The following BOK variants were observed in gnomAD, a reference collection of about 807,000 sequenced individuals.
BOK encodes BCL2 family apoptosis regulator BOK.
BOK carries 20 observed loss-of-function variants against 18.3 expected under a neutral mutation model. The ratio of observed to expected loss-of-function variants is 1.09; its 90% CI spans 0.77 to 1.59. BOK has a LOEUF of 1.59. Ranked by LOEUF, BOK falls within the 40% of genes most tolerant of loss-of-function variation. The pLI is 0.00. For missense variants in BOK, 348 were observed against 307.9 expected (o/e 1.13, Z -0.97); for synonymous variants, 173 against 142.4 (o/e 1.21, Z -1.53).
chr2:241,562,492 C>T lies in BOK; in HGVS notation c.349+16C>T. 6.3e-7 allele frequency: 1 copy of T among 1,599,998 alleles called. No individual in the cohort carries two copies. The highest frequency in any genetic ancestry group is 1.1e-5 in the South Asian group (1 of 89,066). On this transcript the variant is annotated intron_variant, in intron 3 of 4. Coordinates refer to ENST00000318407, the MANE Select transcript of BOK (RefSeq NM_032515.5). The surrounding 1 kb of genome is among the most constrained non-coding windows in gnomAD (Gnocchi z 4.5). The stretch of plus-strand genomic sequence containing the variant: ...TTCTCTGCAGGTATGCCCAGCCTGC[C>T]CGTCCCATGGGACCTCAGGGAGGGA...
At chr2:241,564,908 G>C (rs1364633135) in intron 3 of BOK, among the ~76,000 whole-genome samples, 2 of 152,212 alleles carry the variant, frequency 1.3e-5, no homozygotes, top group African/African-American at 4.8e-5. Context: ...CTTCGGCAGG[G>C]AGAGAGGATG....
rs563073656 is a variant in BOK, at chr2:241,562,851, G to A, written c.349+375G>A. Among the ~76,000 whole-genome samples the A allele has an allele frequency of 6.6e-6, 1 of 152,232 alleles. No individual in the cohort carries two copies. Among genetic ancestry groups the A allele is most frequent in the East Asian group, 1.9e-4 (1 of 5,180 alleles). On this transcript the variant is annotated intron_variant, in intron 3 of 4. Transcript: ENST00000318407. This position sits in a 1 kb window ranked among gnomAD's most constrained non-coding sequence, Gnocchi z 4.5. ...CGGGGCTTGGGCTTCTCACAGCATG[G>A]TGCTGTGTCCCAAGGAGGAGTGGCA...
chr2:241,555,273 A>G (rs1367811304), upstream of BOK, among the ~76,000 whole-genome samples: 1 of 151,982 alleles, frequency 6.6e-6, no homozygotes, highest in Non-Finnish European at 1.5e-5. Context: ...TACAGCCCTG[A>G]ACTCCTGGGC....
At chr2:241,571,573 C>T (rs1432918682) in intron 4 of BOK, among the ~76,000 whole-genome samples, 3 of 152,162 alleles carry the variant, frequency 2.0e-5, no homozygotes, top group Admixed American at 1.3e-4. Flanking sequence ...TACAGGTGTC[C>T]CTCAGCACAG....
intron 4 of BOK, among the ~76,000 whole-genome samples, chr2:241,570,983 G>C (rs377177720): frequency 1.2e-5 from 1 of 82,694 alleles, no homozygotes; most frequent in African/African-American, 5.2e-5. Flanking sequence ...ATGGGTGAGT[G>C]TCTGAGCGCC....
chr2:241,561,830 C>T (rs986245478), intron 2 of BOK, among the ~76,000 whole-genome samples: 6 of 152,232 alleles, frequency 3.9e-5, no homozygotes, highest in African/African-American at 1.2e-4. Flanking sequence ...CTGAGCCATG[C>T]TAGGGCCTGA....
At chr2:241,556,130 G>C (rs1257882524), upstream of BOK, among the ~76,000 whole-genome samples, 3 of 152,178 alleles carry the variant, frequency 2.0e-5, no homozygotes, top group Non-Finnish European at 4.4e-5. Context: ...TCCCAAACCT[G>C]ACTGCTCTTC....
intron 1 of BOK, among the ~76,000 whole-genome samples, chr2:241,553,383 T>C (rs1226961875): frequency 6.6e-6 from 1 of 152,180 alleles, no homozygotes; most frequent in Non-Finnish European, 1.5e-5. Context: ...AACTCCTGAC[T>C]TCAGGTGATC....
upstream of BOK, among the ~76,000 whole-genome samples, chr2:241,554,988 AG>A (rs1290582802): frequency 6.6e-6 from 1 of 152,144 alleles, no homozygotes; most frequent in Non-Finnish European, 1.5e-5. Flanking sequence ...ACAGAAAATC[AG>A]GGCCAAAGGT....
intron 3 of BOK, among the ~76,000 whole-genome samples, chr2:241,564,746 A>G (rs896924015): frequency 6.6e-6 from 1 of 151,844 alleles, no homozygotes; most frequent in Non-Finnish European, 1.5e-5. Context: ...GCTGACGACC[A>G]CTCTCAGCCC....
Position 241,572,430 on chromosome 2 carries a change from A to C in BOK, c.*8A>C, listed in dbSNP as rs1296377194. 12 of 1,594,148 alleles carry C rather than the reference A, an allele frequency of 7.5e-6. No homozygotes were observed. Among genetic ancestry groups the C allele is most frequent in the Admixed American group, 3.4e-5 (2 of 59,026 alleles). ...CTGCTGCCAGAGAGATGAGCTGCCC[A>C]CCTGGCAGTGGCCGCAGCCTGGCCC... On this transcript the variant is annotated 3_prime_UTR_variant, in exon 5 of 5. Transcript: ENST00000318407.
Position 241,559,723 on chromosome 2 carries a change from A to AT in BOK, c.220+21dup. 1 of 1,290,894 alleles carries AT rather than the reference A, an allele frequency of 7.7e-7. No homozygotes were observed. The highest frequency in any genetic ancestry group is 3.1e-5 in the East Asian group (1 of 31,756). The allele number at this position is 1,290,894 out of a possible 1,614,324, so 80.0% of individuals were successfully genotyped here. A position where few individuals can be genotyped will look rare whatever the true frequency, so the allele number is the denominator to read the frequency against. ...GCCTGGGTGAGTGCGCCCTGGTGGGATCCCCAGCTGCGCCTCCTCCCCTGC... is the reference window on the plus strand; with the variant it reads ...GCCTGGGTGAGTGCGCCCTGGTGGGATTCCCCAGCTGCGCCTCCTCCCCTGC... On this transcript the variant is annotated intron_variant, in intron 2 of 4. Coordinates refer to ENST00000318407, the MANE Select transcript of BOK (RefSeq NM_032515.5).
In BOK at chr2:241,567,567, C is replaced by T. The variant is rs536227275; in HGVS notation, c.350-2558C>T. On this transcript the variant is annotated intron_variant, in intron 3 of 4. Coordinates refer to ENST00000318407, the MANE Select transcript of BOK (RefSeq NM_032515.5). ...AGCCCCACGTGCTGGGGAAGTGCAGCGGGTAGAGCAGGGGCTGTGCCGGGT... is the reference window on the plus strand; with the variant it reads ...AGCCCCACGTGCTGGGGAAGTGCAGTGGGTAGAGCAGGGGCTGTGCCGGGT... 5.2e-4 allele frequency among the ~76,000 whole-genome samples: 70 copies of T among 134,926 alleles called. 12 individuals carry two copies. Among genetic ancestry groups the T allele is most frequent in the Non-Finnish European group, 5.6e-4 (35 of 62,988 alleles). The allele number at this position is 134,926 out of a possible 152,430, so 88.5% of individuals were successfully genotyped here. A position where few individuals can be genotyped will look rare whatever the true frequency, so the allele number is the denominator to read the frequency against.
At chr2:241,560,661 T>G (rs2066512162) in intron 2 of BOK, among the ~76,000 whole-genome samples, 1 of 150,680 alleles carries the variant, frequency 6.6e-6, no homozygotes. Context: ...GGAGGTGGAG[T>G]CCCATCTGAG....
Position 241,562,292 on chromosome 2 carries a change from G to C in BOK, c.221-56G>C, listed in dbSNP as rs1420077946. ...GTGCAGGGTGTGCCCCAAGCCAGTC[G>C]TGTCCCAGGAAGCTGGGACGTGGGC... On this transcript the variant is annotated intron_variant, in intron 2 of 4. Transcript: ENST00000318407. The surrounding 1 kb of genome is among the most constrained non-coding windows in gnomAD (Gnocchi z 4.5). The C allele has an allele frequency of 6.5e-7, 1 of 1,541,004 alleles. No individual in the cohort carries two copies. The highest frequency in any genetic ancestry group is 8.7e-7 in the Non-Finnish European group (1 of 1,144,184).
In BOK at chr2:241,572,778, G is replaced by A; in HGVS notation, c.*356G>A. ...GCTCTCACCTGAGCCCCAGGTGAAG[G>A]GGCCCGGGAACACCTGCTCTCACCT... is the stretch of plus-strand genomic sequence containing the variant. On this transcript the variant is annotated 3_prime_UTR_variant, in exon 5 of 5. Transcript: ENST00000318407. The A allele has an allele frequency of 3.6e-6, 1 of 281,578 alleles. No homozygotes were observed. Among genetic ancestry groups the A allele is most frequent in the South Asian group, 5.0e-5 (1 of 19,846 alleles). The allele number at this position is 281,578 out of a possible 1,614,324, so 17.4% of individuals were successfully genotyped here.
chr2:241,552,118 C>T lies in BOK; in HGVS notation n.54+641C>T, dbSNP rs1029284747. Among the ~76,000 whole-genome samples, 3 of 152,264 alleles carry T rather than the reference C, an allele frequency of 2.0e-5. No homozygotes were observed. The East Asian group carries it at 5.8e-4, about 29-fold the overall frequency. ...CGCGGCTGGGACGGGGTGGCAATGGCGAAGCAGCCAGGCAGCTGCTACCTC... is the reference window on the plus strand; with the variant it reads ...CGCGGCTGGGACGGGGTGGCAATGGTGAAGCAGCCAGGCAGCTGCTACCTC... On this transcript the variant is annotated intron_variant and non_coding_transcript_variant, in intron 1 of 1. Coordinates refer to the BOK transcript ENST00000641230.
upstream of BOK, among the ~76,000 whole-genome samples, chr2:241,557,043 G>T (rs1310087673): frequency 2.0e-5 from 3 of 152,080 alleles, no homozygotes; most frequent in East Asian, 5.8e-4. Flanking sequence ...TTTAATGCTT[G>T]TAGTATCTAC....
At chr2:241,571,907 T>C (rs2066728724) in intron 4 of BOK, among the ~76,000 whole-genome samples, 1 of 152,214 alleles carries the variant, frequency 6.6e-6, no homozygotes, top group Non-Finnish European at 1.5e-5. Flanking sequence ...CACAGGAGGA[T>C]GACGGCGGCA....
Sources: gnomAD v4.1 joint callset for allele counts (sites outside exome capture counted in the v4.1 genomes callset) on GRCh38, gnomAD v4.1.1 for gene constraint, Gnocchi (gnomAD v3.1) non-coding constraint, MANE v1.5 for transcripts, NCBI Gene and HGNC (gene_info 2026-07-23, HGNC 2026-07-21) for gene names.